The following TRPC3 variants were observed in gnomAD, a reference collection of about 807,000 sequenced individuals.
TRPC3 encodes transient receptor potential cation channel subfamily C member 3, also known as short transient receptor potential channel 3.
In TRPC3, 54 loss-of-function variants were observed where a neutral mutation model predicts 90.9. The observed-to-expected ratio is 0.59, with a 90% CI of 0.48 to 0.75. The LOEUF is 0.75. Ranked by LOEUF, TRPC3 falls within the 30% of genes least tolerant of loss-of-function variation. The probability of loss-of-function intolerance (pLI) is 0.00; values close to 1 mark genes in which losing one functional copy is unlikely to be tolerated. For synonymous variants in TRPC3, 424 were observed against 450.9 expected, an observed-to-expected ratio of 0.94 and a Z score of 0.75; for missense variants, 918 against 1,194.5, an observed-to-expected ratio of 0.77 and a Z score of 3.41.
chr4:121,937,977 G>A (rs764160288), intron 1 of TRPC3, among the ~76,000 whole-genome samples: 4 of 150,612 alleles, frequency 2.7e-5, no homozygotes, highest in African/African-American at 4.9e-5. Context: ...ATCTCGGCTC[G>A]CTGCAACTTC....
chr4:121,904,503 A>T lies in TRPC3; in HGVS notation c.2072T>A (p.Phe691Tyr), dbSNP rs762915832. The T allele has an allele frequency of 3.2e-6, 5 of 1,561,542 alleles. No individual in the cohort carries two copies. ...NAAFTTVEES[F>Y]KTLFWSIFGL... ...AAATATTGACCAAAATAAAGTCTTG[A>T]AACTTTCTTCTACACTGTTGAAAAA... The change falls in exon 8 of 12, where the codon TTC becomes TAC. Residue 691 changes from phenylalanine to tyrosine, a missense_variant. Phe to Tyr is a conservative substitution (Grantham distance 22). Coordinates refer to ENST00000379645, the MANE Select transcript of TRPC3 (RefSeq NM_001130698.2).
intron 2 of TRPC3, among the ~76,000 whole-genome samples, chr4:121,931,090 T>C (rs1729902500): frequency 6.6e-6 from 1 of 152,230 alleles, no homozygotes; most frequent in South Asian, 2.1e-4. Flanking sequence ...CAGGGAATTT[T>C]GTGTGTATGG....
At chr4:121,907,626 A>G in intron 6 of TRPC3, 59 bp from the exon 7 acceptor site, 43 of 1,537,878 alleles carry the variant, frequency 2.8e-5, no homozygotes, top group Non-Finnish European at 3.8e-5. Flanking sequence ...CCAACTACGC[A>G]AAGCAAATAC....
At chr4:121,906,707 C>T (rs1728896560) in intron 7 of TRPC3, among the ~76,000 whole-genome samples, 3 of 151,966 alleles carry the variant, frequency 2.0e-5, no homozygotes. Flanking sequence ...AACCAAACAC[C>T]ACTGGGTGAG....
At chr4:121,942,552 G>A (rs1730356131) in intron 1 of TRPC3, among the ~76,000 whole-genome samples, 1 of 152,202 alleles carries the variant, frequency 6.6e-6, no homozygotes, top group African/African-American at 2.4e-5. Context: ...CTGGGTGACA[G>A]AACGAGACCC....
chr4:121,886,135 G>A lies in TRPC3; in HGVS notation c.2548-3706C>T, dbSNP rs1022498470. On this transcript the variant is annotated intron_variant, in intron 10 of 11. Transcript: ENST00000379645. ...AAGATGTGGGTGGTTGGGTAGCTGCGGGGTGGTTAGATATCTTCCTTCCTG... is the reference window on the plus strand; with the variant it reads ...AAGATGTGGGTGGTTGGGTAGCTGCAGGGTGGTTAGATATCTTCCTTCCTG... 3.3e-5 allele frequency among the ~76,000 whole-genome samples: 5 copies of A among 152,254 alleles called. No homozygotes were observed. In the South Asian group the frequency reaches 8.3e-4, roughly 25 times the overall value.
chr4:121,886,912 G>A (rs1384910446), intron 10 of TRPC3, among the ~76,000 whole-genome samples: 1 of 152,142 alleles, frequency 6.6e-6, no homozygotes, highest in African/African-American at 2.4e-5. Flanking sequence ...GCTCCAATTC[G>A]CAGCAATTAC....
intron 10 of TRPC3, among the ~76,000 whole-genome samples, chr4:121,885,855 A>AT (rs2149106233): frequency 6.6e-6 from 1 of 152,266 alleles, no homozygotes; most frequent in Non-Finnish European, 1.5e-5. Flanking sequence ...TAACTTCCAC[A>AT]TTCCACAAAC....
chr4:121,948,551 C>G (rs558459999), intron 1 of TRPC3, among the ~76,000 whole-genome samples: 91 of 152,292 alleles, frequency 6.0e-4, no homozygotes, highest in African/African-American at 2.1e-3. Context: ...CAGTGGCTCC[C>G]TAGTGCCTCA....
intron 1 of TRPC3, among the ~76,000 whole-genome samples, chr4:121,943,610 T>C (rs1292192633): frequency 6.6e-6 from 1 of 152,118 alleles, no homozygotes; most frequent in Non-Finnish European, 1.5e-5. Context: ...GTTATATAAA[T>C]TCAGTCTATA....
intron 10 of TRPC3, among the ~76,000 whole-genome samples, chr4:121,890,453 T>G (rs1728286322): frequency 6.6e-6 from 1 of 151,984 alleles, no homozygotes; most frequent in Non-Finnish European, 1.5e-5. Flanking sequence ...AATTATAATG[T>G]GTCAATTAAA....
At chr4:121,941,183 T>C (rs1039968906) in intron 1 of TRPC3, among the ~76,000 whole-genome samples, 9 of 152,254 alleles carry the variant, frequency 5.9e-5, no homozygotes, top group African/African-American at 2.2e-4. Context: ...CATGGGTGTT[T>C]GGGTTGAATC....
At chr4:121,908,467 G>C (rs1213852611) in intron 6 of TRPC3, among the ~76,000 whole-genome samples, 3 of 152,066 alleles carry the variant, frequency 2.0e-5, no homozygotes, top group Admixed American at 2.0e-4. Flanking sequence ...CTAAGATACG[G>C]AATCAACCTA....
intron 1 of TRPC3, among the ~76,000 whole-genome samples, chr4:121,946,092 C>A (rs1265082836): frequency 6.6e-6 from 1 of 152,052 alleles, no homozygotes; most frequent in Non-Finnish European, 1.5e-5. Flanking sequence ...GGGGATCAGT[C>A]AGGAGGTCCA....
chr4:121,881,476 G>A (rs1198364643), intron 11 of TRPC3, among the ~76,000 whole-genome samples: 1 of 151,900 alleles, frequency 6.6e-6, no homozygotes, highest in Non-Finnish European at 1.5e-5. Context: ...TTTCTCCTGA[G>A]ACAGATTGAT....
chr4:121,890,858 G>C (rs1728300427), intron 10 of TRPC3, among the ~76,000 whole-genome samples: 1 of 152,032 alleles, frequency 6.6e-6, no homozygotes, highest in African/African-American at 2.4e-5. Context: ...CAGGTGTGGT[G>C]GCGGCACCTG....
chr4:121,951,211 C>G lies in TRPC3; in HGVS notation c.215+255G>C, dbSNP rs923297506. ...TCAGTGTGCCCGCCTGCGGGCTGTTCCGTGTGCTTGAGCCTGGACAGAGCC... is the reference window on the plus strand; with the variant it reads ...TCAGTGTGCCCGCCTGCGGGCTGTTGCGTGTGCTTGAGCCTGGACAGAGCC... On this transcript the variant is annotated intron_variant, in intron 1 of 11. Coordinates refer to ENST00000379645, the MANE Select transcript of TRPC3 (RefSeq NM_001130698.2). This position sits in a 1 kb window ranked among gnomAD's most constrained non-coding sequence, Gnocchi z 4.4. Among the ~76,000 whole-genome samples, 4 of 152,190 alleles carry G rather than the reference C, an allele frequency of 2.6e-5. No individual in the cohort carries two copies. Among genetic ancestry groups the G allele is most frequent in the South Asian group, 2.1e-4 (1 of 4,838 alleles).
Position 121,879,039 on chromosome 4 carries a change from A to T in TRPC3, c.*697T>A, listed in dbSNP as rs909779339. On this transcript the variant is annotated 3_prime_UTR_variant, in exon 12 of 12. Transcript: ENST00000379645. The stretch of plus-strand genomic sequence containing the variant: ...AAAGCAAGCAGTCTATATTTTAGAA[A>T]AATCTTTAATGTGTTGTTTTAAATA... The T allele has an allele frequency of 6.6e-6, 1 of 152,212 alleles. No individual in the cohort carries two copies. The highest frequency in any genetic ancestry group is 2.4e-5 in the African/African-American group (1 of 41,450). The allele number at this position is 152,212 out of a possible 1,614,324, so 9.4% of individuals were successfully genotyped here.
intron 11 of TRPC3, among the ~76,000 whole-genome samples, chr4:121,880,991 G>A (rs1727922042): frequency 6.6e-6 from 1 of 151,270 alleles, no homozygotes; most frequent in African/African-American, 2.4e-5. Flanking sequence ...TTTGGCATAT[G>A]GCAATATAAA....
Sources: gnomAD v4.1 joint callset for allele counts (sites outside exome capture counted in the v4.1 genomes callset) on GRCh38, gnomAD v4.1.1 for gene constraint, Gnocchi (gnomAD v3.1) non-coding constraint, MANE v1.5 for transcripts, NCBI Gene and HGNC (gene_info 2026-07-23, HGNC 2026-07-21) for gene names.